Variants in CELF4 observed in about 807,000 individuals in gnomAD.
CELF4 encodes the protein CUG-BP- and ETR-3-like factor 4.
Under a neutral mutation model 59.9 loss-of-function variants are expected in CELF4, and 18 were observed. The ratio of observed to expected loss-of-function variants is 0.30; its 90% CI spans 0.21 to 0.45. CELF4 has a LOEUF of 0.45. Among genes scored for constraint, CELF4 ranks in the 20% least tolerant of loss-of-function variants. CELF4 has a pLI of 1.00. For synonymous variants in CELF4, 261 were observed against 267.1 expected (o/e 0.98, Z 0.22); for missense variants, 456 against 689.0 (o/e 0.66, Z 3.79).
At chr18:37,391,504 G>A (rs1008574433) in intron 2 of CELF4, among the ~76,000 whole-genome samples, 1 of 152,232 alleles carries the variant, frequency 6.6e-6, no homozygotes, top group African/African-American at 2.4e-5. Flanking sequence ...TCTTTGTGCT[G>A]GAGTGGTCCT....
At chr18:37,429,842 G>A (rs535411617) in intron 2 of CELF4, among the ~76,000 whole-genome samples, 1 of 152,198 alleles carries the variant, frequency 6.6e-6, no homozygotes, top group East Asian at 1.9e-4. Context: ...TGATCCCTAC[G>A]GAAGACCCCA....
intron 3 of CELF4, among the ~76,000 whole-genome samples, chr18:37,320,443 G>C (rs1020809641): frequency 6.6e-6 from 1 of 152,088 alleles, no homozygotes; most frequent in Admixed American, 6.6e-5. Flanking sequence ...TGTCTCTGGC[G>C]GAAGAGCAGC....
At chr18:37,379,719 T>G (rs1416787032) in intron 2 of CELF4, among the ~76,000 whole-genome samples, 1 of 152,084 alleles carries the variant, frequency 6.6e-6, no homozygotes, top group East Asian at 1.9e-4. Flanking sequence ...AAGGTCAGAC[T>G]CAGGGCAGGA....
At chr18:37,342,680 C>T (rs543630453) in intron 2 of CELF4, among the ~76,000 whole-genome samples, 64 of 152,342 alleles carry the variant, frequency 4.2e-4, no homozygotes, top group African/African-American at 1.5e-3. Flanking sequence ...CTGTGTGACC[C>T]TAGGCCAGTT....
chr18:37,555,718 T>C (rs939535556), intron 1 of CELF4, among the ~76,000 whole-genome samples: 2 of 152,210 alleles, frequency 1.3e-5, no homozygotes, highest in African/African-American at 4.8e-5. Flanking sequence ...GGGCTGGCTG[T>C]CACATTGCTT....
At position 37,391,589 on chromosome 18, in the gene CELF4, T is replaced by A. The variant is rs137874888; in HGVS notation, c.370-69708A>T. Among the ~76,000 whole-genome samples, 4 of 152,330 alleles carry A rather than the reference T, an allele frequency of 2.6e-5. No homozygotes were observed. The East Asian group carries it at 7.7e-4, about 29-fold the overall frequency. On this transcript the variant is annotated intron_variant, in intron 2 of 12. Transcript: ENST00000420428. The stretch of plus-strand genomic sequence containing the variant: ...TCTGTTCATGTGTCTATCTCCCCCA[T>A]CAGACCATGCCTTCCCTTGGTTGTC...
intron 3 of CELF4, among the ~76,000 whole-genome samples, chr18:37,307,545 A>G (rs989514090): frequency 5.3e-5 from 8 of 152,212 alleles, no homozygotes; most frequent in African/African-American, 1.7e-4. Context: ...ATGTGCCACA[A>G]GGAGAATGCC....
chr18:37,438,779 G>C (rs1229984990), intron 2 of CELF4, among the ~76,000 whole-genome samples: 1 of 152,146 alleles, frequency 6.6e-6, no homozygotes, highest in African/African-American at 2.4e-5. Context: ...TAGAGAGCTT[G>C]AATTGACAGC....
chr18:37,346,620 A>G (rs1278683733), intron 2 of CELF4, among the ~76,000 whole-genome samples: 2 of 152,148 alleles, frequency 1.3e-5, no homozygotes, highest in Non-Finnish European at 2.9e-5. Context: ...GGCAGAGAAG[A>G]AAGGGGTGCC....
At chr18:37,511,227 G>T (rs775413667) in intron 1 of CELF4, among the ~76,000 whole-genome samples, 5 of 152,162 alleles carry the variant, frequency 3.3e-5, no homozygotes, top group Non-Finnish European at 7.3e-5. Flanking sequence ...TCCTGCCACA[G>T]GTATGCATCA....
At position 37,519,039 on chromosome 18, in the gene CELF4, T is replaced by G. The variant is rs190962693; in HGVS notation, c.287-33432A>C. Among the ~76,000 whole-genome samples the G allele has an allele frequency of 9.2e-5, 14 of 152,268 alleles. No homozygotes were observed. In the East Asian group the frequency reaches 2.7e-3, roughly 29 times the overall value. ...AGATTAAGAATCCTTGAGTTTGAAT[T>G]GAACCAAGTAAGATCTGTCTCCCAG... On this transcript the variant is annotated intron_variant, in intron 1 of 12. Coordinates refer to ENST00000420428, the MANE Select transcript of CELF4 (RefSeq NM_020180.4).
rs554571376 is a variant in CELF4 at position 37,485,509 on chromosome 18, G to A, written c.369+16C>T. The A allele has an allele frequency of 3.6e-5, 47 of 1,300,242 alleles. No individual in the cohort carries two copies. In the South Asian group the frequency reaches 9.2e-4, roughly 25 times the overall value. The allele number at this position is 1,300,242 out of a possible 1,614,324, so 80.5% of individuals were successfully genotyped here. On this transcript the variant is annotated intron_variant, in intron 2 of 12. Transcript: ENST00000420428. ...TCGGCGCGTCGGCCGCTTGCGCCAC[G>A]GCGGGCGCCACTTACCCCGGGCAGA... is the stretch of plus-strand genomic sequence containing the variant.
intron 10 of CELF4, among the ~76,000 whole-genome samples, chr18:37,264,281 A>C (rs1317339804): frequency 6.6e-6 from 1 of 152,220 alleles, no homozygotes; most frequent in Non-Finnish European, 1.5e-5. Context: ...AGGGCTTGCC[A>C]AGGAAGAAAC....
chr18:37,552,922 G>A (rs966025010), intron 1 of CELF4, among the ~76,000 whole-genome samples: 1 of 152,134 alleles, frequency 6.6e-6, no homozygotes, highest in African/African-American at 2.4e-5. Flanking sequence ...GTTGTGACGT[G>A]GTCTGCCCAG....
intron 1 of CELF4, among the ~76,000 whole-genome samples, chr18:37,503,531 C>T (rs2154603977): frequency 6.6e-6 from 1 of 152,294 alleles, no homozygotes; most frequent in Admixed American, 6.5e-5. Flanking sequence ...TGCCCAGGGA[C>T]ACTCCAAGCC....
intron 3 of CELF4, 34 bp from the exon 4 acceptor site, chr18:37,275,277 A>G (rs754949339): frequency 6.3e-7 from 1 of 1,588,068 alleles, no homozygotes; most frequent in Non-Finnish European, 8.6e-7. Context: ...TACCCGGGCC[A>G]GGGACCGGGC....
At chr18:37,470,890 C>CAGAGAGAGAGAGAGAGAG (rs142446683) in intron 2 of CELF4, among the ~76,000 whole-genome samples, 65 of 94,980 alleles carry the variant, frequency 6.8e-4, no homozygotes, top group South Asian at 1.9e-3. Context: ...GTGTGTGTGA[C>CAGAGAGAGAGAGAGAGAG]AGAGAGAGAG....
intron 2 of CELF4, among the ~76,000 whole-genome samples, chr18:37,430,487 G>A (rs2099642080): frequency 1.3e-5 from 2 of 152,198 alleles, no homozygotes; most frequent in Admixed American, 6.5e-5. Context: ...GGAGGGTGAA[G>A]CCAGCAAGGA....
intron 2 of CELF4, among the ~76,000 whole-genome samples, chr18:37,413,554 G>T (rs1465990448): frequency 2.6e-5 from 4 of 152,140 alleles, no homozygotes; most frequent in African/African-American, 4.8e-5. Context: ...TGTATTTTGG[G>T]CATCGCCTGT....
Sources: allele counts gnomAD v4.1 joint callset (sites outside exome capture counted in the v4.1 genomes callset), GRCh38; gene constraint gnomAD v4.1.1; transcripts MANE v1.5; gene names NCBI Gene and HGNC (gene_info 2026-07-23, HGNC 2026-07-21).